SIRT4: variants seen among roughly 807,000 people sequenced by gnomAD.
SIRT4 encodes the protein sirtuin 4.
A neutral mutation model predicts 26.1 loss-of-function variants in SIRT4; 23 were observed. The observed-to-expected ratio is 0.88, with a 90% CI of 0.63 to 1.25. The LOEUF (loss-of-function observed/expected upper bound fraction) is 1.25, where lower values mean the gene tolerates loss of function less well. Among genes scored for constraint, SIRT4 ranks in the 50% most tolerant of loss-of-function variants. The pLI is 0.00. For missense variants in SIRT4, 361 were observed against 405.4 expected, an observed-to-expected ratio of 0.89 and a Z score of 0.94; for synonymous variants, 155 against 158.4, an observed-to-expected ratio of 0.98 and a Z score of 0.16.
intron 2 of SIRT4, among the ~76,000 whole-genome samples, chr12:120,308,896 G>T (rs1465693010): frequency 6.6e-6 from 1 of 151,960 alleles, no homozygotes; most frequent in East Asian, 1.9e-4. Context: ...TCCGCCGGGC[G>T]TGGTGGCTCA....
chr12:120,313,127 T>C lies in SIRT4; in HGVS notation c.*91T>C, dbSNP rs1214137612. Reference sequence around the variant, plus strand: ...TGCCTTCTCAAATGACAGATTCCAGTTCCCATTCAACAGAGTAGGGTGCAC... The same window carrying C: ...TGCCTTCTCAAATGACAGATTCCAGCTCCCATTCAACAGAGTAGGGTGCAC... On this transcript the variant is annotated 3_prime_UTR_variant, in exon 4 of 4. Transcript: ENST00000202967. 1 of 1,472,252 alleles carries C rather than the reference T, an allele frequency of 6.8e-7. No homozygotes were observed. Among genetic ancestry groups the C allele is most frequent in the Non-Finnish European group, 9.4e-7 (1 of 1,061,300 alleles). The allele number at this position is 1,472,252 out of a possible 1,614,324, so 91.2% of individuals were successfully genotyped here. A position where few individuals can be genotyped will look rare whatever the true frequency, so the allele number is the denominator to read the frequency against.
upstream of SIRT4, among the ~76,000 whole-genome samples, chr12:120,300,813 C>T (rs2136824317): frequency 1.3e-5 from 2 of 152,206 alleles, no homozygotes; most frequent in Middle Eastern, 6.8e-3. Flanking sequence ...TGGCCGCCCA[C>T]CTTTATGTCC....
At chr12:120,307,259 G>A (rs1292480136) in intron 2 of SIRT4, among the ~76,000 whole-genome samples, 2 of 152,158 alleles carry the variant, frequency 1.3e-5, no homozygotes, top group Admixed American at 6.6e-5. Flanking sequence ...GAGAGGCTGA[G>A]GGGGCGGATC....
At chr12:120,293,064 A>C in the SIRT4 span, 3 of 129,442 alleles carry the variant, frequency 2.3e-5, no homozygotes, top group African/African-American at 5.6e-5. Context: ...CACACAAAAA[A>C]AGCCTCTGTT....
chr12:120,312,565 G>A lies in SIRT4; in HGVS notation c.607G>A (p.Gly203Ser), dbSNP rs1873026440. The A allele has an allele frequency of 6.2e-7, 1 of 1,614,060 alleles. No individual in the cohort carries two copies. Among genetic ancestry groups the A allele is most frequent in the Admixed American group, 1.7e-5 (1 of 59,978 alleles). Reference protein sequence around the residue: ...SAEAHGLAPDGDVFLSEEQVR... With the variant: ...SAEAHGLAPDSDVFLSEEQVR... ...TGAGGCCCATGGCCTGGCTCCTGATGGTGACGTCTTTCTCTCAGAGGAGCA... is the reference window on the plus strand; with the variant it reads ...TGAGGCCCATGGCCTGGCTCCTGATAGTGACGTCTTTCTCTCAGAGGAGCA... Residue 203 changes from glycine to serine, a missense_variant, in exon 3 of 4, where the codon GGT becomes AGT. Transcript: ENST00000202967.
chr12:120,302,208 G>T (rs1179979999), upstream of SIRT4: 2 of 152,168 alleles, frequency 1.3e-5, no homozygotes, highest in African/African-American at 2.4e-5. Flanking sequence ...AGAAAGAGCC[G>T]ACAGGGGGCG....
upstream of SIRT4, among the ~76,000 whole-genome samples, chr12:120,300,930 G>A (rs1018659996): frequency 2.6e-5 from 4 of 152,190 alleles, no homozygotes; most frequent in African/African-American, 9.7e-5. Context: ...ATCCCTGGGA[G>A]TGAGACGCAG....
the SIRT4 span, chr12:120,292,007 C>T: frequency 6.6e-6 from 1 of 152,178 alleles, no homozygotes; most frequent in Admixed American, 6.6e-5. Context: ...GTTCCCACTC[C>T]ACCAGCCGTA....
At chr12:120,309,182 C>T (rs757516810) in intron 2 of SIRT4, among the ~76,000 whole-genome samples, 2 of 150,928 alleles carry the variant, frequency 1.3e-5, no homozygotes, top group African/African-American at 4.9e-5. Context: ...AACTCTGTCT[C>T]AAAAAAAACT....
chr12:120,309,347 C>G (rs899021780), intron 2 of SIRT4, among the ~76,000 whole-genome samples: 6 of 151,850 alleles, frequency 4.0e-5, no homozygotes, highest in Non-Finnish European at 8.8e-5. Context: ...TCCATTCTGT[C>G]TCTTCTTAAG....
At chr12:120,297,209 C>T in the SIRT4 span, among the ~76,000 whole-genome samples, 41 of 150,064 alleles carry the variant, frequency 2.7e-4, no homozygotes, top group Non-Finnish European at 5.3e-4. Flanking sequence ...GGCGATAGAG[C>T]GAGACTCCGT....
At chr12:120,294,721 T>C in the SIRT4 span, among the ~76,000 whole-genome samples, 2 of 152,058 alleles carry the variant, frequency 1.3e-5, no homozygotes, top group Non-Finnish European at 2.9e-5. Flanking sequence ...TCTCACCATG[T>C]TGCCCAGGCT....
chr12:120,297,483 G>C, upstream of SIRT4, among the ~76,000 whole-genome samples: 1 of 144,702 alleles, frequency 6.9e-6, no homozygotes, highest in Non-Finnish European at 1.5e-5. Flanking sequence ...TTCACCAGCT[G>C]ACTTGGATGA....
At chr12:120,294,183 A>C in the SIRT4 span, among the ~76,000 whole-genome samples, 1 of 151,814 alleles carries the variant, frequency 6.6e-6, no homozygotes. Context: ...TAGTAGAGAC[A>C]GGATTTCACC....
chr12:120,307,564 A>G (rs1471989354), intron 2 of SIRT4, among the ~76,000 whole-genome samples: 2 of 152,136 alleles, frequency 1.3e-5, no homozygotes, highest in Non-Finnish European at 2.9e-5. Flanking sequence ...GGAAGACACA[A>G]AAATAACATA....
chr12:120,298,944 T>TAAATAAAC (rs1437289851), upstream of SIRT4, among the ~76,000 whole-genome samples: 17 of 146,420 alleles, frequency 1.2e-4, no homozygotes, highest in African/African-American at 4.1e-4. Flanking sequence ...AATAAATAAA[T>TAAATAAAC]AGCCGGGCGC....
upstream of SIRT4, among the ~76,000 whole-genome samples, chr12:120,300,778 C>T (rs909408023): frequency 7.2e-5 from 11 of 152,078 alleles, no homozygotes; most frequent in African/African-American, 2.7e-4. Flanking sequence ...GAAGGGAGTC[C>T]TTAGGTGGTC....
the SIRT4 span, among the ~76,000 whole-genome samples, chr12:120,294,502 C>T: frequency 3.9e-5 from 6 of 152,080 alleles, no homozygotes; most frequent in Non-Finnish European, 8.8e-5. Flanking sequence ...GGTGATCCAC[C>T]CGCCTTGGTT....
upstream of SIRT4, among the ~76,000 whole-genome samples, chr12:120,301,557 TG>T (rs1199519126): frequency 1.3e-5 from 2 of 152,130 alleles, no homozygotes; most frequent in African/African-American, 2.4e-5. Flanking sequence ...CCCAGCATTT[TG>T]GGGGGCCGAG....
Sources: allele counts gnomAD v4.1 joint callset (sites outside exome capture counted in the v4.1 genomes callset), GRCh38; gene constraint gnomAD v4.1.1; transcripts MANE v1.5; gene names NCBI Gene and HGNC (gene_info 2026-07-23, HGNC 2026-07-21).